Variants in TRIM13 observed in about 807,000 individuals in gnomAD.
The protein encoded by TRIM13 is E3 ubiquitin-protein ligase TRIM13.
TRIM13 carries 15 observed loss-of-function variants against 27.1 expected under a neutral mutation model. That is an observed-to-expected ratio of 0.55 (90% CI 0.37 to 0.85). TRIM13 has a LOEUF of 0.85. Among genes scored for constraint, TRIM13 ranks in the 40% least tolerant of loss-of-function variants. The probability of loss-of-function intolerance (pLI) is 0.00; values close to 1 mark genes in which losing one functional copy is unlikely to be tolerated. For synonymous variants in TRIM13, 193 were observed against 171.5 expected, an observed-to-expected ratio of 1.13 and a Z score of -0.98; for missense variants, 402 against 472.2, an observed-to-expected ratio of 0.85 and a Z score of 1.38.
In TRIM13 at chr13:50,016,193, T is replaced by G. The variant is rs968243348; in HGVS notation, c.*3029T>G. The G allele has an allele frequency of 2.7e-5, 20 of 732,140 alleles. No individual in the cohort carries two copies. The African/African-American group carries it at 3.6e-4, about 13-fold the overall frequency. The allele number at this position is 732,140 out of a possible 1,614,324, so 45.4% of individuals were successfully genotyped here. A position where few individuals can be genotyped will look rare whatever the true frequency, so the allele number is the denominator to read the frequency against. ...GATTATTCAAAATAATGTTTTGGGG[T>G]AACCAGTGGAGTTGGGTAGAATGAC... On this transcript the variant is annotated 3_prime_UTR_variant, in exon 2 of 2. Coordinates refer to ENST00000378182, the MANE Select transcript of TRIM13 (RefSeq NM_213590.3).
Position 50,013,010 on chromosome 13 carries a change from A to G in TRIM13, c.1070A>G (p.Tyr357Cys), listed in dbSNP as rs1316065023. 6.2e-7 allele frequency: 1 copy of G among 1,613,868 alleles called. No homozygotes were observed. Among genetic ancestry groups the G allele is most frequent in the Non-Finnish European group, 8.5e-7 (1 of 1,179,968 alleles). ...GGCTGTCTTTCAAACTTCAGTTCCT[A>G]TCTGACTAAAACAGCCGATTTCATA... Reference protein sequence around the residue: ...WKGCLSNFSSYLTKTADFIEQ... With the variant: ...WKGCLSNFSSCLTKTADFIEQ... The change falls in exon 2 of 2, where the codon TAT becomes TGT. Residue 357 changes from tyrosine (Y) to cysteine (C), a missense_variant. Around this residue, in one of 2 missense-constraint regions of TRIM13, gnomAD observed 200 missense variants for 194.7 expected, o/e 1.03. Coordinates refer to ENST00000378182, the MANE Select transcript of TRIM13 (RefSeq NM_213590.3).
Position 50,013,932 on chromosome 13 carries a change from G to A in TRIM13, c.*768G>A, listed in dbSNP as rs1468259921. 1.2e-5 allele frequency: 2 copies of A among 166,614 alleles called. No individual in the cohort carries two copies. Among genetic ancestry groups the A allele is most frequent in the Non-Finnish European group, 1.5e-5 (1 of 68,014 alleles). 10.3% of individuals were successfully genotyped at this position (166,614 alleles called of 1,614,324 possible). A position where few individuals can be genotyped will look rare whatever the true frequency, so the allele number is the denominator to read the frequency against. On this transcript the variant is annotated 3_prime_UTR_variant, in exon 2 of 2. Transcript: ENST00000378182. ...TTCACACACACACGCGTGTGTGGGAGACAACTAAAGGTATTGAAGGTACTA... is the reference window on the plus strand; with the variant it reads ...TTCACACACACACGCGTGTGTGGGAAACAACTAAAGGTATTGAAGGTACTA...
chr13:50,013,057 G>A lies in TRIM13; in HGVS notation c.1117G>A (p.Glu373Lys). 2.5e-6 allele frequency: 4 copies of A among 1,613,892 alleles called. No homozygotes were observed. The highest frequency in any genetic ancestry group is 3.4e-6 in the Non-Finnish European group (4 of 1,179,952). The change falls in exon 2 of 2, where the codon GAA becomes AAA. Residue 373 changes from glutamate to lysine, a missense_variant. By Grantham distance (56) the Glu-to-Lys change is moderately conservative (BLOSUM62 1). Around this residue, in one of 2 missense-constraint regions of TRIM13, gnomAD observed 200 missense variants for 194.7 expected, o/e 1.03. Coordinates refer to ENST00000378182, the MANE Select transcript of TRIM13 (RefSeq NM_213590.3). ...CATAGAACAATCAGTTTTTTACTGG[G>A]AACAGGTGACAGATGGGTTTTTCAT... ...DFIEQSVFYW[E>K]QVTDGFFIFN...
Position 50,014,720 on chromosome 13 carries a change from G to A in TRIM13, c.*1556G>A, listed in dbSNP as rs752112091. The A allele has an allele frequency of 6.0e-6, 1 of 166,754 alleles. No individual in the cohort carries two copies. The highest frequency in any genetic ancestry group is 1.5e-5 in the Non-Finnish European group (1 of 68,066). The allele number at this position is 166,754 out of a possible 1,614,324, so 10.3% of individuals were successfully genotyped here. A position where few individuals can be genotyped will look rare whatever the true frequency, so the allele number is the denominator to read the frequency against. On this transcript the variant is annotated 3_prime_UTR_variant, in exon 2 of 2. Coordinates refer to ENST00000378182, the MANE Select transcript of TRIM13 (RefSeq NM_213590.3). ...TAACCTTATAACTGCTCTCTAGTCT[G>A]CCTTATTTGTGTCATAGAGTAAGAT...
At chr13:49,997,988 A>G (rs553278278) in intron 1 of TRIM13, among the ~76,000 whole-genome samples, 3 of 152,182 alleles carry the variant, frequency 2.0e-5, no homozygotes, top group Non-Finnish European at 4.4e-5. Flanking sequence ...AAACATTCAT[A>G]TTACAAAGGA....
chr13:50,007,182 CAAAA>C (rs112759649), intron 1 of TRIM13, among the ~76,000 whole-genome samples: 1 of 121,130 alleles, frequency 8.3e-6, no homozygotes, highest in Non-Finnish European at 1.7e-5. Flanking sequence ...GACTCTGTCT[CAAAA>C]AAAAAAAAAC....
At position 50,017,469 on chromosome 13, in the gene TRIM13, G is replaced by C. The variant is rs1366232603; in HGVS notation, c.*4305G>C. 6.0e-6 allele frequency: 1 copy of C among 167,044 alleles called. No individual in the cohort carries two copies. Among genetic ancestry groups the C allele is most frequent in the Non-Finnish European group, 1.5e-5 (1 of 68,090 alleles). The allele number at this position is 167,044 out of a possible 1,614,324, so 10.3% of individuals were successfully genotyped here. On this transcript the variant is annotated 3_prime_UTR_variant, in exon 2 of 2. Transcript: ENST00000378182. ...CCAAATGGTTTTCCCTTTTTATGTT[G>C]TGTTTTAGAAACAGCACGAAAGTTT...
rs374886526 is a variant in TRIM13 at position 50,015,611 on chromosome 13, C to G, written c.*2447C>G. 17 of 1,614,002 alleles carry G rather than the reference C, an allele frequency of 1.1e-5. No homozygotes were observed. Among genetic ancestry groups the G allele is most frequent in the Admixed American group, 1.7e-5 (1 of 60,002 alleles). ...GGCACGCATGTTAGATGGCAGAGAC[C>G]AAGAATTCAAGATGGTTGGTGGCCA... On this transcript the variant is annotated 3_prime_UTR_variant, in exon 2 of 2. Transcript: ENST00000378182.
chr13:50,015,881 A>C lies in TRIM13; in HGVS notation c.*2717A>C, dbSNP rs770254671. On this transcript the variant is annotated 3_prime_UTR_variant, in exon 2 of 2. Transcript: ENST00000378182. ...TTTTTTCAGGGTGTTTGGCTCTTGC[A>C]GCAAAACAATTGAGATGCTAACAGG... The C allele has an allele frequency of 6.2e-7, 1 of 1,614,146 alleles. No homozygotes were observed. The highest frequency in any genetic ancestry group is 2.2e-5 in the East Asian group (1 of 44,880).
At position 50,017,278 on chromosome 13, in the gene TRIM13, G is replaced by C. The variant is rs1054758243; in HGVS notation, c.*4114G>C. On this transcript the variant is annotated 3_prime_UTR_variant, in exon 2 of 2. Coordinates refer to ENST00000378182, the MANE Select transcript of TRIM13 (RefSeq NM_213590.3). ...CATGCTTCAAAAAGTCAGAAACCTAGAGACAAAACTGTCATTGATTTTTAA... is the reference window on the plus strand; with the variant it reads ...CATGCTTCAAAAAGTCAGAAACCTACAGACAAAACTGTCATTGATTTTTAA... 6.0e-6 allele frequency: 1 copy of C among 166,966 alleles called. No individual in the cohort carries two copies. Among genetic ancestry groups the C allele is most frequent in the Admixed American group, 6.5e-5 (1 of 15,270 alleles). 10.3% of individuals were successfully genotyped at this position (166,966 alleles called of 1,614,324 possible).
intron 1 of TRIM13, among the ~76,000 whole-genome samples, chr13:50,001,570 C>A (rs1273403482): frequency 6.6e-6 from 1 of 152,066 alleles, no homozygotes; most frequent in East Asian, 1.9e-4. Context: ...ACTGTTTATT[C>A]TAGGATAATG....
At chr13:50,000,055 C>T (rs1411406639) in intron 1 of TRIM13, among the ~76,000 whole-genome samples, 1 of 152,116 alleles carries the variant, frequency 6.6e-6, no homozygotes, top group Non-Finnish European at 1.5e-5. Flanking sequence ...TCTATTCCTA[C>T]CCCATAACTT....
Position 50,015,978 on chromosome 13 carries a change from C to T in TRIM13, c.*2814C>T. ...GGTAACTTTTTCCCTCCTCAGATGA[C>T]CTTACTTCCACTGCCTCCACAAAGA... On this transcript the variant is annotated 3_prime_UTR_variant, in exon 2 of 2. Transcript: ENST00000378182. 6.2e-7 allele frequency: 1 copy of T among 1,614,058 alleles called. No individual in the cohort carries two copies.
At chr13:50,002,585 C>A (rs1251279073) in intron 1 of TRIM13, among the ~76,000 whole-genome samples, 2 of 152,062 alleles carry the variant, frequency 1.3e-5, no homozygotes, top group African/African-American at 4.8e-5. Context: ...AGTATTCTTA[C>A]ATCCTCTACC....
In TRIM13 at chr13:50,016,105, C is replaced by A; in HGVS notation, c.*2941C>A. 6.8e-7 allele frequency: 1 copy of A among 1,480,732 alleles called. No individual in the cohort carries two copies. Among genetic ancestry groups the A allele is most frequent in the Non-Finnish European group, 9.4e-7 (1 of 1,067,222 alleles). 91.7% of individuals were successfully genotyped at this position (1,480,732 alleles called of 1,614,324 possible). ...TACTTTGCAGTATTTCTCTTGTATACCAGTTTGTGATGTTTTCTCTAAAAA... is the reference window on the plus strand; with the variant it reads ...TACTTTGCAGTATTTCTCTTGTATAACAGTTTGTGATGTTTTCTCTAAAAA... On this transcript the variant is annotated 3_prime_UTR_variant, in exon 2 of 2. Transcript: ENST00000378182.
At chr13:50,007,874 G>A (rs1451137875) in intron 1 of TRIM13, among the ~76,000 whole-genome samples, 2 of 150,468 alleles carry the variant, frequency 1.3e-5, no homozygotes, top group African/African-American at 4.9e-5. Context: ...GTCCAGTCAT[G>A]TATGGCTGTT....
At position 50,011,892 on chromosome 13, in the gene TRIM13, G is replaced by A. The variant is rs1381891470; in HGVS notation, c.-6-43G>A. On this transcript the variant is annotated intron_variant, in intron 1 of 1. Coordinates refer to ENST00000378182, the MANE Select transcript of TRIM13 (RefSeq NM_213590.3). ...TTCTAATTATTACATAGTCCTAGTG[G>A]TGACGGTTATTGGAGTAAAATAATT... is the stretch of plus-strand genomic sequence containing the variant. The A allele has an allele frequency of 3.0e-5, 47 of 1,542,200 alleles. No homozygotes were observed. The East Asian group carries it at 1.0e-3, about 33-fold the overall frequency.
intron 1 of TRIM13, among the ~76,000 whole-genome samples, chr13:50,005,799 C>G (rs1156449425): frequency 6.7e-6 from 1 of 150,306 alleles, no homozygotes; most frequent in Admixed American, 6.6e-5. Flanking sequence ...TCACGGCAAC[C>G]TCTGGCCTCA....
intron 1 of TRIM13, among the ~76,000 whole-genome samples, chr13:50,005,629 TAC>T (rs1874589305): frequency 6.7e-6 from 1 of 149,780 alleles, no homozygotes; most frequent in Admixed American, 6.7e-5. Flanking sequence ...GAGTTGTGAT[TAC>T]ACCACTGCAC....
Sources: gnomAD v4.1 joint callset for allele counts (sites outside exome capture counted in the v4.1 genomes callset) on GRCh38, gnomAD v4.1.1 for gene constraint, gnomAD v4.1.1 regional missense constraint, MANE v1.5 for transcripts, NCBI Gene and HGNC (gene_info 2026-07-23, HGNC 2026-07-21) for gene names.